The following SCN2A variants were observed in gnomAD, a reference collection of about 807,000 sequenced individuals.
SCN2A encodes the protein sodium voltage-gated channel alpha subunit 2.
Under a neutral mutation model 188.7 loss-of-function variants are expected in SCN2A, and 20 were observed. The ratio of observed to expected loss-of-function variants is 0.11; its 90% confidence interval spans 0.07 to 0.15. The LOEUF is 0.15. Among genes scored for constraint, SCN2A ranks in the 10% least tolerant of loss-of-function variants. The pLI is 1.00. For synonymous variants in SCN2A, 804 were observed against 833.1 expected, an observed-to-expected ratio of 0.97 and a Z score of 0.60; for missense variants, 1,278 against 2,445.0, an observed-to-expected ratio of 0.52 and a Z score of 10.07.
chr2:165,283,901 A>G (rs539675310), intron 1 of SCN2A, among the ~76,000 whole-genome samples: 1 of 152,328 alleles, frequency 6.6e-6, no homozygotes, highest in Non-Finnish European at 1.5e-5. Flanking sequence ...AGTGACAACA[A>G]TACTACTTCC....
rs1307249236 is a variant in SCN2A, at chr2:165,331,445, T to C, written c.2265T>C (p.Val755=). Residue 755 remains valine (V), a synonymous_variant, in exon 14 of 27, where the codon GTT becomes GTC. Transcript: ENST00000375437. ...WLKVKHLVNL[V]VMDPFVDLAI... ...AGGTGAAACACCTTGTCAACCTGGT[T>C]GTAATGGACCCATTTGTTGACCTGG... 6.2e-7 allele frequency: 1 copy of C among 1,613,760 alleles called. No homozygotes were observed. The highest frequency in any genetic ancestry group is 8.5e-7 in the Non-Finnish European group (1 of 1,179,794).
Position 165,303,270 on chromosome 2 carries a change from G to GTTTTTTTTTTTTTTTTTTT in SCN2A, c.387-4573_387-4555dup, listed in dbSNP as rs71028477. Among the ~76,000 whole-genome samples, 17 of 91,310 alleles carry GTTTTTTTTTTTTTTTTTTT rather than the reference G, an allele frequency of 1.9e-4. 1 individual carries two copies. Among genetic ancestry groups the GTTTTTTTTTTTTTTTTTTT allele is most frequent in the East Asian group, 1.5e-3 (4 of 2,674 alleles). 59.9% of individuals were successfully genotyped at this position (91,310 alleles called of 152,430 possible). On this transcript the variant is annotated intron_variant, in intron 3 of 26. Coordinates refer to ENST00000375437, the MANE Select transcript of SCN2A (RefSeq NM_001040142.2). The stretch of plus-strand genomic sequence containing the variant: ...TTGTATTTGAGTTTTTGTTATTTGA[G>GTTTTTTTTTTTTTTTTTTT]TTTTTTTTTTTTTTTTTTTTTTTGA...
intron 11 of SCN2A, among the ~76,000 whole-genome samples, chr2:165,320,825 C>T (rs574472070): frequency 5.9e-5 from 9 of 152,262 alleles, no homozygotes; most frequent in South Asian, 2.1e-4. Flanking sequence ...CCTAGGCCTC[C>T]GAGCCTGTGA....
intron 1 of SCN2A, among the ~76,000 whole-genome samples, chr2:165,277,816 T>C (rs1365259139): frequency 6.6e-6 from 1 of 152,208 alleles, no homozygotes; most frequent in Admixed American, 6.5e-5. Context: ...CCCCAGCCTC[T>C]TTTCAACATG....
intron 1 of SCN2A, among the ~76,000 whole-genome samples, chr2:165,281,771 C>A (rs934744022): frequency 2.0e-5 from 3 of 152,168 alleles, no homozygotes; most frequent in African/African-American, 4.8e-5. Flanking sequence ...CCAGGGCTGG[C>A]TTCGTGGGCA....
At chr2:165,345,714 G>C (rs1172251449) in intron 16 of SCN2A, among the ~76,000 whole-genome samples, 2 of 152,014 alleles carry the variant, frequency 1.3e-5, no homozygotes, top group East Asian at 3.9e-4. Context: ...TTACATTTAA[G>C]GTTAATATTG....
At chr2:165,296,867 A>AG (rs1036448117) in intron 2 of SCN2A, 150 bp from the exon 3 acceptor site, 4 of 495,218 alleles carry the variant, frequency 8.1e-6, no homozygotes, top group African/African-American at 5.9e-5. Flanking sequence ...AGAAAAAAAA[A>AG]GCATCTATCT....
In SCN2A at chr2:165,308,768, G is replaced by T. The variant is rs748656792; in HGVS notation, c.579G>T (p.Trp193Cys). The change falls in exon 5 of 27, where the codon TGG becomes TGT. Residue 193 changes from tryptophan (W) to cysteine (C), a missense_variant. Around this residue, in one of 17 missense-constraint regions of SCN2A, gnomAD observed 37 missense variants for 154.9 expected, o/e 0.24. Transcript: ENST00000375437. The part of the protein sequence containing the change: ...DFTFLRDPWN[W>C]LDFTVITFAY... ...CATTTTTACGGGATCCATGGAATTG[G>T]TTGGATTTCACAGTCATTACTTTTG... 2.5e-6 allele frequency: 4 copies of T among 1,612,874 alleles called. No individual in the cohort carries two copies. The highest frequency in any genetic ancestry group is 3.4e-6 in the Non-Finnish European group (4 of 1,179,108).
rs774041625 is a variant in SCN2A at position 165,310,621 on chromosome 2, A to T, written c.970+26A>T. 2.0e-6 allele frequency: 3 copies of T among 1,532,984 alleles called. 1 individual carries two copies. Among genetic ancestry groups the T allele is most frequent in the Non-Finnish European group, 2.7e-6 (3 of 1,119,038 alleles). The allele number at this position is 1,532,984 out of a possible 1,614,324, so 95.0% of individuals were successfully genotyped here. On this transcript the variant is annotated intron_variant, in intron 7 of 26. Coordinates refer to ENST00000375437, the MANE Select transcript of SCN2A (RefSeq NM_001040142.2). ...GTAAGATATACTCTATAAACCATTA[A>T]GTTGTTTAGTTCTCTAAATATTAAA...
At chr2:165,286,691 G>A (rs957379250) in intron 1 of SCN2A, among the ~76,000 whole-genome samples, 1 of 152,062 alleles carries the variant, frequency 6.6e-6, no homozygotes, top group African/African-American at 2.4e-5. Flanking sequence ...ACTGCATCCA[G>A]GCTAAAAAGC....
At chr2:165,263,063 G>T (rs1386458742) in intron 1 of SCN2A, among the ~76,000 whole-genome samples, 2 of 132,486 alleles carry the variant, frequency 1.5e-5, no homozygotes, top group Non-Finnish European at 3.2e-5. Context: ...GTCTATTCAC[G>T]TCCTTAGCCC....
At chr2:165,308,137 T>C (rs1697239096) in intron 4 of SCN2A, among the ~76,000 whole-genome samples, 200 bp downstream of exon 4, 1 of 152,156 alleles carries the variant, frequency 6.6e-6, no homozygotes, top group Admixed American at 6.6e-5. Flanking sequence ...ATTACTGCAG[T>C]AGTTTGACTG....
intron 5 of SCN2A, 81 bp downstream of exon 5, chr2:165,308,875 C>A: frequency 6.6e-7 from 1 of 1,519,058 alleles, no homozygotes; most frequent in Non-Finnish European, 9.1e-7. Context: ...TGGTGGCTTG[C>A]CTTGACAGAC....
intron 1 of SCN2A, among the ~76,000 whole-genome samples, chr2:165,260,398 T>G (rs1251317384): frequency 1.3e-5 from 2 of 152,190 alleles, no homozygotes; most frequent in Non-Finnish European, 2.9e-5. Flanking sequence ...AAGAATAGTT[T>G]TTTTCTGAGC....
chr2:165,291,601 T>TCTCTCTCTCTCTCTCTCTC (rs1559340877), intron 1 of SCN2A, among the ~76,000 whole-genome samples: 4 of 86,720 alleles, frequency 4.6e-5, no homozygotes, highest in African/African-American at 1.5e-4. Context: ...CTCTCTCTCT[T>TCTCTCTCTCTCTCTCTCTC]TCTTTCTTTG....
chr2:165,313,899 C>T lies in SCN2A; in HGVS notation c.1177-3C>T. 6.2e-7 allele frequency: 1 copy of T among 1,613,766 alleles called. No homozygotes were observed. The highest frequency in any genetic ancestry group is 8.5e-7 in the Non-Finnish European group (1 of 1,179,750). Reference sequence around the variant, plus strand: ...TTATTAAAATCTCTCTTCCATTTTGCAGACACTACGTGCTGCTGGGAAAAC... The same window carrying T: ...TTATTAAAATCTCTCTTCCATTTTGTAGACACTACGTGCTGCTGGGAAAAC... On this transcript the variant is annotated splice_polypyrimidine_tract_variant and splice_region_variant and intron_variant, in intron 9 of 26. Coordinates refer to ENST00000375437, the MANE Select transcript of SCN2A (RefSeq NM_001040142.2).
At chr2:165,339,259 C>T (rs1699181939) in intron 14 of SCN2A, among the ~76,000 whole-genome samples, 1 of 151,518 alleles carries the variant, frequency 6.6e-6, no homozygotes, top group Admixed American at 6.6e-5. Context: ...AAAGAAAACC[C>T]TACACCTAAT....
At chr2:165,387,978 A>G (rs1701958983) in intron 26 of SCN2A, among the ~76,000 whole-genome samples, 6 of 152,116 alleles carry the variant, frequency 3.9e-5, no homozygotes, top group Admixed American at 1.3e-4. Flanking sequence ...TTTTGCAAGG[A>G]ATTTTTCTGT....
chr2:165,340,988 C>T (rs1241599483), intron 14 of SCN2A, among the ~76,000 whole-genome samples: 1 of 152,022 alleles, frequency 6.6e-6, no homozygotes, highest in African/African-American at 2.4e-5. Flanking sequence ...ATGCAATCTT[C>T]GAAAGAAATC....
Sources: allele counts gnomAD v4.1 joint callset (sites outside exome capture counted in the v4.1 genomes callset), GRCh38; gene constraint gnomAD v4.1.1; regional missense constraint gnomAD v4.1.1; transcripts MANE v1.5; gene names NCBI Gene and HGNC (gene_info 2026-07-23, HGNC 2026-07-21).